The following PCDHGA2 variants were observed in gnomAD, a reference collection of about 807,000 sequenced individuals.
PCDHGA2 encodes protocadherin gamma-A2.
PCDHGA2 carries 40 observed loss-of-function variants against 59.2 expected under a neutral mutation model. The observed-to-expected ratio is 0.68, with a 90% CI of 0.52 to 0.88. The LOEUF (loss-of-function observed/expected upper bound fraction) is 0.88, where lower values mean the gene tolerates loss of function less well. Ranked by LOEUF, PCDHGA2 falls within the 40% of genes least tolerant of loss-of-function variation. The pLI, the probability that PCDHGA2 is intolerant of heterozygous loss-of-function variation, is 0.00. For synonymous variants in PCDHGA2, 560 were observed against 526.0 expected (o/e 1.06, Z -0.89); for missense variants, 1,226 against 1,204.0 (o/e 1.02, Z -0.27).
chr5:141,496,747 A>T (rs13188028), intron 2 of PCDHGA2, among the ~76,000 whole-genome samples: 1 of 152,124 alleles, frequency 6.6e-6, no homozygotes, highest in Non-Finnish European at 1.5e-5. Context: ...CATTTATTCA[A>T]CAAATATTTA....
chr5:141,372,698 C>G, intron 1 of PCDHGA2: 1 of 1,613,986 alleles, frequency 6.2e-7, no homozygotes, highest in Non-Finnish European at 8.5e-7. Flanking sequence ...TTAAATTTCT[C>G]AATATAAAGG....
chr5:141,489,636 C>T lies in PCDHGA2; in HGVS notation c.2425-5171C>T. On this transcript the variant is annotated intron_variant, in intron 1 of 3. Coordinates refer to ENST00000394576, the MANE Select transcript of PCDHGA2 (RefSeq NM_018915.4). The surrounding 1 kb of genome is among the most constrained non-coding windows in gnomAD (Gnocchi z 4.5). ...TGGATCTCAATGACAACTCTCCTAG[C>T]TTTGCCACCCCTGAGCGAGAGATGC... 1.2e-6 allele frequency: 2 copies of T among 1,614,190 alleles called. No homozygotes were observed. The highest frequency in any genetic ancestry group is 1.7e-6 in the Non-Finnish European group (2 of 1,180,030).
Position 141,485,036 on chromosome 5 carries a change from C to A in PCDHGA2, c.2425-9771C>A. ...CGCCACCAGCAAAAACGGCGCGTAA[C>A]CCTTGCGGCGCCGGCCGAACCGCGC... On this transcript the variant is annotated intron_variant, in intron 1 of 3. Coordinates refer to ENST00000394576, the MANE Select transcript of PCDHGA2 (RefSeq NM_018915.4). The surrounding 1 kb of genome is among the most constrained non-coding windows in gnomAD (Gnocchi z 5.7). 1 of 698,458 alleles carries A rather than the reference C, an allele frequency of 1.4e-6. No individual in the cohort carries two copies. The highest frequency in any genetic ancestry group is 2.5e-6 in the Non-Finnish European group (1 of 399,316). The allele number at this position is 698,458 out of a possible 1,614,324, so 43.3% of individuals were successfully genotyped here. A position where few individuals can be genotyped will look rare whatever the true frequency, so the allele number is the denominator to read the frequency against.
chr5:141,347,936 C>G (rs1420340370), intron 1 of PCDHGA2, among the ~76,000 whole-genome samples: 1 of 152,092 alleles, frequency 6.6e-6, no homozygotes, highest in Admixed American at 6.5e-5. Context: ...TATTATGAGC[C>G]TTGGAGTGGT....
In PCDHGA2 at chr5:141,491,696, G is replaced by A; in HGVS notation, c.2425-3111G>A. The A allele has an allele frequency of 6.2e-7, 1 of 1,612,390 alleles. No individual in the cohort carries two copies. The highest frequency in any genetic ancestry group is 8.5e-7 in the Non-Finnish European group (1 of 1,179,286). ...CGCTCTAATACGCTGCGGGAGCGGA[G>A]CCAGGTGAGGGGCTCGGCGCCGCCC... On this transcript the variant is annotated intron_variant, in intron 1 of 3. Coordinates refer to ENST00000394576, the MANE Select transcript of PCDHGA2 (RefSeq NM_018915.4). This position sits in a 1 kb window ranked among gnomAD's most constrained non-coding sequence, Gnocchi z 6.9.
rs777058727 is a variant in PCDHGA2 at position 141,431,947 on chromosome 5, A to G, written c.2425-62860A>G. 6 of 1,614,052 alleles carry G rather than the reference A, an allele frequency of 3.7e-6. No homozygotes were observed. The highest frequency in any genetic ancestry group is 2.2e-5 in the East Asian group (1 of 44,894). ...GAAATCTGCCCTTTAAATTAGAAAAATCTTACGGAAATTACTATAGTTTAG... is the reference window on the plus strand; with the variant it reads ...GAAATCTGCCCTTTAAATTAGAAAAGTCTTACGGAAATTACTATAGTTTAG... On this transcript the variant is annotated intron_variant, in intron 1 of 3. Transcript: ENST00000394576. This position sits in a 1 kb window ranked among gnomAD's most constrained non-coding sequence, Gnocchi z 4.8.
chr5:141,494,688 A>T (rs2099756168), intron 1 of PCDHGA2, 119 bp from the exon 2 acceptor site: 1 of 1,576,254 alleles, frequency 6.3e-7, no homozygotes, highest in Non-Finnish European at 8.6e-7. Context: ...GCCCCCTCTT[A>T]GTCCGTTTTC....
chr5:141,456,884 A>G (rs1448469695), intron 1 of PCDHGA2, among the ~76,000 whole-genome samples: 1 of 151,974 alleles, frequency 6.6e-6, no homozygotes, highest in East Asian at 1.9e-4. Flanking sequence ...AATCGCTTGA[A>G]CCCGGGAGGC....
intron 1 of PCDHGA2, chr5:141,351,046 G>T (rs922791130): frequency 6.2e-7 from 1 of 1,614,052 alleles, no homozygotes; most frequent in South Asian, 1.1e-5. Flanking sequence ...TGCGGGTGAT[G>T]GCCACAGACC....
At chr5:141,366,199 G>C (rs1764397175) in intron 1 of PCDHGA2, 1 of 1,613,876 alleles carries the variant, frequency 6.2e-7, no homozygotes, top group Non-Finnish European at 8.5e-7. Flanking sequence ...GGCTGCACAC[G>C]GGCGAGGTGC....
chr5:141,486,105 A>C lies in PCDHGA2; in HGVS notation c.2425-8702A>C. The stretch of plus-strand genomic sequence containing the variant: ...ACTCTTTTGGGGCCCCTAGACTTTG[A>C]GAGTGAGAATTACTATGAATTTGAT... On this transcript the variant is annotated intron_variant, in intron 1 of 3. Transcript: ENST00000394576. This position sits in a 1 kb window ranked among gnomAD's most constrained non-coding sequence, Gnocchi z 5.0. The C allele has an allele frequency of 1.2e-6, 2 of 1,614,138 alleles. No individual in the cohort carries two copies. The highest frequency in any genetic ancestry group is 1.7e-6 in the Non-Finnish European group (2 of 1,180,016).
chr5:141,444,640 G>A (rs192148868), intron 1 of PCDHGA2, among the ~76,000 whole-genome samples: 3 of 152,196 alleles, frequency 2.0e-5, no homozygotes, highest in Non-Finnish European at 2.9e-5. Flanking sequence ...GTTCATTGAG[G>A]TAGGGGTTGA....
Position 141,486,226 on chromosome 5 carries a change from A to G in PCDHGA2, c.2425-8581A>G, listed in dbSNP as rs889500362. 5.0e-6 allele frequency: 8 copies of G among 1,614,012 alleles called. No individual in the cohort carries two copies. The highest frequency in any genetic ancestry group is 6.8e-6 in the Non-Finnish European group (8 of 1,180,018). On this transcript the variant is annotated intron_variant, in intron 1 of 3. Transcript: ENST00000394576. This position sits in a 1 kb window ranked among gnomAD's most constrained non-coding sequence, Gnocchi z 5.0. ...TAAATGACAATGCCCCTTACATCACAGTGACCTCAGAGCTTGGAACCCTCC... is the reference window on the plus strand; with the variant it reads ...TAAATGACAATGCCCCTTACATCACGGTGACCTCAGAGCTTGGAACCCTCC...
chr5:141,482,288 C>G (rs1413786764), intron 1 of PCDHGA2, among the ~76,000 whole-genome samples: 1 of 152,078 alleles, frequency 6.6e-6, no homozygotes, highest in Non-Finnish European at 1.5e-5. Context: ...GTCTTTTAAT[C>G]TCTTTAAACT....
In PCDHGA2 at chr5:141,339,805, A is replaced by G. The variant is rs200504537; in HGVS notation, c.834A>G (p.Val278=). 1.2e-6 allele frequency: 2 copies of G among 1,614,244 alleles called. No homozygotes were observed. Among genetic ancestry groups the G allele is most frequent in the Non-Finnish European group, 1.7e-6 (2 of 1,180,040 alleles). Reference sequence around the variant, plus strand: ...ATGAGGGCTACTACGCTCAAGTGGTATATTTTCTAGAGAAAAGCCCTGGAG... The same window carrying G: ...ATGAGGGCTACTACGCTCAAGTGGTGTATTTTCTAGAGAAAAGCCCTGGAG... The part of the protein sequence containing the change: ...DADEGYYAQV[V]YFLEKSPGET... Residue 278 remains valine (V), a synonymous_variant, in exon 1 of 4, where the codon GTA becomes GTG. Coordinates refer to ENST00000394576, the MANE Select transcript of PCDHGA2 (RefSeq NM_018915.4).
At position 141,478,208 on chromosome 5, in the gene PCDHGA2, C is replaced by G. The variant is rs200735608; in HGVS notation, c.2425-16599C>G. The G allele has an allele frequency of 2.5e-6, 4 of 1,614,096 alleles. No individual in the cohort carries two copies. The East Asian group carries it at 8.9e-5, about 36-fold the overall frequency. ...TCTCACCTTTTATCTACTTCTTTCTCTAATCCTGGTTTCTGTGGGGTTTGT... is the reference window on the plus strand; with the variant it reads ...TCTCACCTTTTATCTACTTCTTTCTGTAATCCTGGTTTCTGTGGGGTTTGT... On this transcript the variant is annotated intron_variant, in intron 1 of 3. Coordinates refer to ENST00000394576, the MANE Select transcript of PCDHGA2 (RefSeq NM_018915.4).
At chr5:141,365,966 G>A (rs781156882) in intron 1 of PCDHGA2, 24 of 1,614,222 alleles carry the variant, frequency 1.5e-5, no homozygotes, top group Non-Finnish European at 2.0e-5. Flanking sequence ...TAGCAGCAAC[G>A]TGTCGCTGAG....
chr5:141,464,068 C>A (rs2099075218), intron 1 of PCDHGA2, among the ~76,000 whole-genome samples: 1 of 152,036 alleles, frequency 6.6e-6, no homozygotes, highest in Admixed American at 6.6e-5. Flanking sequence ...AGTTCAAGGC[C>A]AGCCTGGCCA....
intron 1 of PCDHGA2, among the ~76,000 whole-genome samples, chr5:141,457,343 T>C (rs1372992422): frequency 6.6e-6 from 1 of 152,240 alleles, no homozygotes; most frequent in African/African-American, 2.4e-5. Flanking sequence ...TTACTTACTT[T>C]CATTACCTGG....
Sources: gnomAD v4.1 joint callset for allele counts (sites outside exome capture counted in the v4.1 genomes callset) on GRCh38, gnomAD v4.1.1 for gene constraint, Gnocchi (gnomAD v3.1) non-coding constraint, MANE v1.5 for transcripts, NCBI Gene and HGNC (gene_info 2026-07-23, HGNC 2026-07-21) for gene names.